Variants in SGCZ observed in about 807,000 individuals in gnomAD.
SGCZ encodes the protein sarcoglycan zeta, also known as zeta-sarcoglycan.
SGCZ carries 40 observed loss-of-function variants against 41.3 expected under a neutral mutation model. The observed-to-expected ratio is 0.97, with a 90% CI of 0.75 to 1.26. The LOEUF (loss-of-function observed/expected upper bound fraction) is 1.26, where lower values mean the gene tolerates loss of function less well. Among genes scored for constraint, SGCZ ranks in the 50% most tolerant of loss-of-function variants. SGCZ has a pLI of 0.00. For synonymous variants in SGCZ, 206 were observed against 137.5 expected (o/e 1.50, Z -3.49); for missense variants, 552 against 369.8 (o/e 1.49, Z -4.04).
At chr8:14,387,143 C>T (rs1197192180) in intron 2 of SGCZ, among the ~76,000 whole-genome samples, 1 of 152,158 alleles carries the variant, frequency 6.6e-6, no homozygotes, top group Admixed American at 6.6e-5. Flanking sequence ...TAACTCCTGG[C>T]CTCAAGTGAT....
At chr8:14,951,594 G>A (rs1025194290) in intron 1 of SGCZ, among the ~76,000 whole-genome samples, 1 of 151,970 alleles carries the variant, frequency 6.6e-6, no homozygotes, top group African/African-American at 2.4e-5. Flanking sequence ...AAACATCACA[G>A]CTGGTTCAAC....
chr8:15,094,829 T>C (rs748295710), intron 1 of SGCZ, among the ~76,000 whole-genome samples: 19 of 152,144 alleles, frequency 1.2e-4, no homozygotes, highest in African/African-American at 2.7e-4. Context: ...ACCCATTCTC[T>C]CTCCTGCCAC....
chr8:14,660,023 A>G (rs923270911), intron 1 of SGCZ, among the ~76,000 whole-genome samples: 3 of 152,182 alleles, frequency 2.0e-5, no homozygotes, highest in Non-Finnish European at 2.9e-5. Flanking sequence ...ACCAGGAGCT[A>G]AGAGAGAAGT....
rs376162644 is a variant in SGCZ at position 14,726,120 on chromosome 8, G to A, written c.40-171194C>T. Reference sequence around the variant, plus strand: ...AAAGACACAAAAAATTTAGCCAGGCGTGGTGGCACGCACCTGTAGTCCCAG... The same window carrying A: ...AAAGACACAAAAAATTTAGCCAGGCATGGTGGCACGCACCTGTAGTCCCAG... On this transcript the variant is annotated intron_variant, in intron 1 of 7. Transcript: ENST00000382080. Among the ~76,000 whole-genome samples, 160 of 151,466 alleles carry A rather than the reference G, an allele frequency of 1.1e-3. 3 individuals are homozygous for A. Among genetic ancestry groups the A allele is most frequent in the African/African-American group, 3.6e-3 (151 of 41,404 alleles).
chr8:15,178,973 G>C (rs1320240768), intron 1 of SGCZ, among the ~76,000 whole-genome samples: 2 of 152,166 alleles, frequency 1.3e-5, no homozygotes, highest in Non-Finnish European at 2.9e-5. Context: ...TTTAGATATT[G>C]TCTTGGCATT....
chr8:14,677,539 G>A (rs1339157128), intron 1 of SGCZ, among the ~76,000 whole-genome samples: 4 of 152,118 alleles, frequency 2.6e-5, no homozygotes, highest in Non-Finnish European at 4.4e-5. Flanking sequence ...GAGAGGCTGA[G>A]GTGAGCAGAT....
chr8:14,764,644 T>C (rs1799987385), intron 1 of SGCZ, among the ~76,000 whole-genome samples: 1 of 152,126 alleles, frequency 6.6e-6, no homozygotes, highest in Non-Finnish European at 1.5e-5. Flanking sequence ...GTGGTCAGGG[T>C]TGGAGGGGTC....
chr8:15,220,436 C>T (rs1234073888), intron 1 of SGCZ, among the ~76,000 whole-genome samples: 1 of 152,140 alleles, frequency 6.6e-6, no homozygotes. Flanking sequence ...CAGGCCCTTG[C>T]AAATGACACC....
intron 2 of SGCZ, among the ~76,000 whole-genome samples, chr8:14,361,301 C>G (rs1803503705): frequency 6.6e-6 from 1 of 152,136 alleles, no homozygotes; most frequent in African/African-American, 2.4e-5. Context: ...TCCATTCTCC[C>G]CATCACTTTC....
At position 15,145,747 on chromosome 8, in the gene SGCZ, C is replaced by T. The variant is rs10089260; in HGVS notation, c.39+91838G>A. ...TGGGACTACAGGTGTGAGCACCATA[C>T]GTGGCCCTCCATCTTCCTAAAGAAT... On this transcript the variant is annotated intron_variant, in intron 1 of 7. Transcript: ENST00000382080. 4.6e-3 allele frequency among the ~76,000 whole-genome samples: 700 copies of T among 152,268 alleles called. 8 individuals carry two copies. Among genetic ancestry groups the T allele is most frequent in the African/African-American group, 0.016 (680 of 41,554 alleles).
At chr8:15,190,038 T>A (rs951722265) in intron 1 of SGCZ, among the ~76,000 whole-genome samples, 1 of 152,058 alleles carries the variant, frequency 6.6e-6, no homozygotes, top group African/African-American at 2.4e-5. Context: ...CCACCAAACC[T>A]CCTGTGTTAT....
chr8:14,478,070 A>G (rs1801411804), intron 2 of SGCZ, among the ~76,000 whole-genome samples: 1 of 152,248 alleles, frequency 6.6e-6, no homozygotes, highest in African/African-American at 2.4e-5. Flanking sequence ...AGGATACTGG[A>G]CAATGTGCAT....
At chr8:14,326,276 A>C (rs1051280851) in intron 2 of SGCZ, among the ~76,000 whole-genome samples, 1 of 151,980 alleles carries the variant, frequency 6.6e-6, no homozygotes, top group Non-Finnish European at 1.5e-5. Context: ...GGATGTTGTG[A>C]TCAGTATCAG....
At chr8:15,062,757 T>A (rs867569381) in intron 1 of SGCZ, among the ~76,000 whole-genome samples, 1 of 152,204 alleles carries the variant, frequency 6.6e-6, no homozygotes, top group Non-Finnish European at 1.5e-5. Flanking sequence ...CAAGCTGAAT[T>A]ATCAAGATGG....
intron 1 of SGCZ, among the ~76,000 whole-genome samples, chr8:14,878,094 T>C (rs1318374909): frequency 2.6e-5 from 4 of 152,174 alleles, no homozygotes; most frequent in South Asian, 2.1e-4. Context: ...TGCAGTTCCC[T>C]CTTTATTTGA....
intron 1 of SGCZ, among the ~76,000 whole-genome samples, chr8:14,767,792 C>G (rs1356897659): frequency 6.6e-6 from 1 of 152,158 alleles, no homozygotes; most frequent in Non-Finnish European, 1.5e-5. Context: ...CTGTGTAAAG[C>G]ACTGTGAAAA....
At chr8:15,228,672 G>C (rs1392052534) in intron 1 of SGCZ, among the ~76,000 whole-genome samples, 1 of 152,150 alleles carries the variant, frequency 6.6e-6, no homozygotes, top group African/African-American at 2.4e-5. Context: ...CCAAATTTGA[G>C]AGCAATAACA....
intron 2 of SGCZ, among the ~76,000 whole-genome samples, chr8:14,368,881 T>C (rs72607304): frequency 0.066 from 10,084 of 151,994 alleles, 664 homozygotes; most frequent in East Asian, 0.3. Flanking sequence ...TCAAACACCA[T>C]AGAAAACTAT....
intron 1 of SGCZ, among the ~76,000 whole-genome samples, chr8:14,680,205 G>A (rs1385939139): frequency 6.6e-6 from 1 of 152,096 alleles, no homozygotes; most frequent in Non-Finnish European, 1.5e-5. Flanking sequence ...GGAGGGGGTA[G>A]AGATAAACAG....
Sources: gnomAD v4.1 joint callset for allele counts (sites outside exome capture counted in the v4.1 genomes callset) on GRCh38, gnomAD v4.1.1 for gene constraint, MANE v1.5 for transcripts, NCBI Gene and HGNC (gene_info 2026-07-23, HGNC 2026-07-21) for gene names.